PEG3: variants seen among roughly 807,000 people sequenced by gnomAD.
PEG3 encodes the protein paternally expressed 3.
PEG3 carries 23 observed loss-of-function variants against 35.5 expected under a neutral mutation model. That is an observed-to-expected ratio of 0.65 (90% CI 0.47 to 0.92). The LOEUF is 0.92. PEG3 is among the 40% of genes least tolerant of loss of function. PEG3 has a pLI of 0.00. For missense variants in PEG3, 1,960 were observed against 1,985.3 expected (o/e 0.99, Z 0.24); for synonymous variants, 707 against 697.0 (o/e 1.01, Z -0.23).
intron 2 of PEG3, among the ~76,000 whole-genome samples, chr19:56,835,665 A>T (rs1230105872): frequency 2.6e-5 from 4 of 152,208 alleles, no homozygotes; most frequent in Non-Finnish European, 5.9e-5. Context: ...CCTTTCCCCC[A>T]TTGGGGCTAT....
At chr19:56,839,059 C>G (rs1438453333) in intron 1 of PEG3, among the ~76,000 whole-genome samples, 1 of 151,478 alleles carries the variant, frequency 6.6e-6, no homozygotes, top group Non-Finnish European at 1.5e-5. Flanking sequence ...GGCGCCCAGG[C>G]GGGCGGGCCT....
At position 56,824,552 on chromosome 19, in the gene PEG3, A is replaced by G. The variant is rs1412989132; in HGVS notation, c.104T>C (p.Ile35Thr). 4 of 1,614,158 alleles carry G rather than the reference A, an allele frequency of 2.5e-6. No individual in the cohort carries two copies. Among genetic ancestry groups the G allele is most frequent in the Non-Finnish European group, 2.5e-6 (3 of 1,180,030 alleles). Residue 35 changes from isoleucine (I) to threonine (T), a missense_variant, in exon 4 of 10, where the codon ATA becomes ACA. Transcript: ENST00000326441. ...SDLTKEPDVIIGEGPTDSEFF... is the reference protein window; with the variant it reads ...SDLTKEPDVITGEGPTDSEFF... ...CTCAGAGTCAGTTGGACCTTCTCCT[A>G]TGATGACATCCGGCTCCTTAGTCAA...
intron 2 of PEG3, chr19:56,833,098 A>G: frequency 2.0e-6 from 1 of 503,050 alleles, no homozygotes; most frequent in East Asian, 5.6e-5. Flanking sequence ...GAAAGAACAC[A>G]TCATGCACTA....
At chr19:56,822,974 G>T in intron 5 of PEG3, 138 bp from the exon 6 acceptor site, 1 of 1,171,874 alleles carries the variant, frequency 8.5e-7, no homozygotes, top group Non-Finnish European at 1.2e-6. Context: ...AGAGCTCCAG[G>T]TTCCCAGGCT....
Position 56,816,539 on chromosome 19 carries a change from TCTC to T in PEG3, c.1900_1902del (p.Glu634del), listed in dbSNP as rs1421658651. The stretch of plus-strand genomic sequence containing the variant: ...TTCAGGGATGAGCTATGAAGGAAAG[TCTC>T]CCCACACACCTTACATTCGTACATT... On this transcript the variant is annotated inframe_deletion, in exon 10 of 10. Transcript: ENST00000326441. 5.6e-6 allele frequency: 9 copies of T among 1,613,742 alleles called. No homozygotes were observed. Among genetic ancestry groups the T allele is most frequent in the Non-Finnish European group, 7.6e-6 (9 of 1,179,872 alleles).
In PEG3 at chr19:56,812,934, T is replaced by A; in HGVS notation, c.*741A>T. The A allele has an allele frequency of 1.0e-6, 1 of 985,784 alleles. No homozygotes were observed. Among genetic ancestry groups the A allele is most frequent in the Non-Finnish European group, 1.2e-6 (1 of 829,892 alleles). 61.1% of individuals were successfully genotyped at this position (985,784 alleles called of 1,614,324 possible). A position where few individuals can be genotyped will look rare whatever the true frequency, so the allele number is the denominator to read the frequency against. Reference sequence around the variant, plus strand: ...GGTCACAAAAAGCCAATCCGTATATTGTAAAGCCTTACACAGTATTAGGTT... The same window carrying A: ...GGTCACAAAAAGCCAATCCGTATATAGTAAAGCCTTACACAGTATTAGGTT... On this transcript the variant is annotated 3_prime_UTR_variant, in exon 10 of 10. Transcript: ENST00000326441.
chr19:56,835,611 C>T (rs749340737), intron 2 of PEG3, among the ~76,000 whole-genome samples: 1 of 152,232 alleles, frequency 6.6e-6, no homozygotes, highest in Non-Finnish European at 1.5e-5. Flanking sequence ...ATGTTTTCCA[C>T]AGCTTTAATT....
At chr19:56,834,156 C>T (rs74595585) in intron 2 of PEG3, among the ~76,000 whole-genome samples, 3 of 152,098 alleles carry the variant, frequency 2.0e-5, no homozygotes, top group Non-Finnish European at 4.4e-5. Flanking sequence ...ATTGGCTCAT[C>T]TGATTTTTTT....
At chr19:56,824,917 T>C in intron 3 of PEG3, 176 bp from the exon 4 acceptor site, 1 of 413,664 alleles carries the variant, frequency 2.4e-6, no homozygotes, top group Non-Finnish European at 4.4e-6. Context: ...ACCTCTGGGC[T>C]TCACAGAGAC....
chr19:56,822,543 T>G (rs2060601122), intron 6 of PEG3: 1 of 538,680 alleles, frequency 1.9e-6, no homozygotes, highest in Non-Finnish European at 3.2e-6. Flanking sequence ...AGCAAATAGT[T>G]TAGGTGGCAA....
rs1482965198 is a variant in PEG3 at position 56,814,904 on chromosome 19, C to T, written c.3538G>A (p.Glu1180Lys). 2 of 1,614,108 alleles carry T rather than the reference C, an allele frequency of 1.2e-6. No homozygotes were observed. The highest frequency in any genetic ancestry group is 1.1e-5 in the South Asian group (1 of 91,076). The change falls in exon 10 of 10, where the codon GAG becomes AAG. Residue 1180 changes from glutamate to lysine, a missense_variant. Physicochemically the swap from Glu to Lys is moderately conservative, Grantham distance 56 (BLOSUM62 1). Transcript: ENST00000326441. The surrounding 1 kb of genome is among the most constrained non-coding windows in gnomAD (Gnocchi z 5.8). ...ESFIHSSFLF[E>K]HQRIHEQDQL... ...TCTTGTTCATGGATTCTCTGATGCT[C>T]GAAAAGGAATGAGCTATGAATAAAA...
At position 56,814,521 on chromosome 19, in the gene PEG3, C is replaced by T. The variant is rs1204745915; in HGVS notation, c.3921G>A (p.Glu1307=). The T allele has an allele frequency of 1.2e-6, 2 of 1,613,926 alleles. No individual in the cohort carries two copies. Among genetic ancestry groups the T allele is most frequent in the East Asian group, 2.2e-5 (1 of 44,874 alleles). ...TATAGGAGGACCCGTACTCATAGGG[C>T]TCATTCTTATGAACAGTTACGTGAT... ...LADHVTVHKN[E]PYEYGSSYTH... is the part of the protein sequence containing the mutation. The change falls in exon 10 of 10, where the codon GAG becomes GAA. Residue 1307 remains glutamate, a synonymous_variant. Coordinates refer to ENST00000326441, the MANE Select transcript of PEG3 (RefSeq NM_006210.3). This position sits in a 1 kb window ranked among gnomAD's most constrained non-coding sequence, Gnocchi z 5.8.
rs1489816697 is a variant in PEG3 at position 56,815,853 on chromosome 19, A to G, written c.2589T>C (p.Ile863=). 5.0e-6 allele frequency: 8 copies of G among 1,613,610 alleles called. No individual in the cohort carries two copies. Among genetic ancestry groups the G allele is most frequent in the Non-Finnish European group, 6.8e-6 (8 of 1,179,782 alleles). The stretch of plus-strand genomic sequence containing the variant: ...GCTTATCATTAAGGTCTGAGATATA[A>G]ATGGAGGATTCTCCCTTCTCATTAG... ...VESNEKGESS[I]YISDLNDKRQ... The change falls in exon 10 of 10, where the codon ATT becomes ATC. Residue 863 remains isoleucine, a synonymous_variant. Transcript: ENST00000326441.
chr19:56,817,222 T>G lies in PEG3; in HGVS notation c.1220A>C (p.Gln407Pro), dbSNP rs2060060892. Residue 407 changes from glutamine to proline, a missense_variant, in exon 10 of 10, where the codon CAA becomes CCA. Transcript: ENST00000326441. ...GGGCTTCTTCCTGGGACAGCCTTTT[T>G]GATCGTGAATCGAGCCCTTCCCATC... ...DTDGKGSIHD[Q>P]KGCPRKKPFE... 1 of 1,614,078 alleles carries G rather than the reference T, an allele frequency of 6.2e-7. No homozygotes were observed. Among genetic ancestry groups the G allele is most frequent in the Admixed American group, 1.7e-5 (1 of 60,008 alleles).
At chr19:56,832,004 CAT>C (rs1000784500) in intron 2 of PEG3, among the ~76,000 whole-genome samples, 23 of 152,114 alleles carry the variant, frequency 1.5e-4, no homozygotes, top group African/African-American at 5.1e-4. Context: ...AATAATCAAA[CAT>C]ATGGCAGTAC....
chr19:56,838,766 G>A lies in PEG3; in HGVS notation c.-250+1816C>T, dbSNP rs139839451. 2.9e-3 allele frequency among the ~76,000 whole-genome samples: 445 copies of A among 152,310 alleles called. 5 individuals are homozygous for A. Among genetic ancestry groups the A allele is most frequent in the Non-Finnish European group, 5.4e-3 (367 of 68,026 alleles). ...AGTCCCACTGGCAAAACAGCCTGGC[G>A]ACCAGCACACACAGCCCAAGGAGCG... On this transcript the variant is annotated intron_variant, in intron 1 of 9. Coordinates refer to ENST00000326441, the MANE Select transcript of PEG3 (RefSeq NM_006210.3).
intron 3 of PEG3, among the ~76,000 whole-genome samples, chr19:56,826,172 G>A (rs2061009000): frequency 6.6e-6 from 1 of 152,196 alleles, no homozygotes; most frequent in African/African-American, 2.4e-5. Flanking sequence ...ACAGACCAGA[G>A]AGTCCAGGCT....
chr19:56,814,171 C>T lies in PEG3; in HGVS notation c.4271G>A (p.Gly1424Glu), dbSNP rs941959021. The T allele has an allele frequency of 6.2e-7, 1 of 1,613,542 alleles. No homozygotes were observed. The highest frequency in any genetic ancestry group is 8.5e-7 in the Non-Finnish European group (1 of 1,179,884). ...GGGCTCTGCAGCCTCTCCATCTGGC[C>T]CTTCAGCCTCTCCGTTTGGCTCAGC... ...EAAEPNGEAEGPDGEAAEPIG... is the reference protein window; with the variant it reads ...EAAEPNGEAEEPDGEAAEPIG... Residue 1424 changes from glycine (G) to glutamate (E), a missense_variant, in exon 10 of 10, where the codon GGG (glycine) becomes GAG (glutamate). Gly to Glu is a moderately conservative substitution (Grantham distance 98). Coordinates refer to ENST00000326441, the MANE Select transcript of PEG3 (RefSeq NM_006210.3). The surrounding 1 kb of genome is among the most constrained non-coding windows in gnomAD (Gnocchi z 5.8).
In PEG3 at chr19:56,810,861, C is replaced by T. The variant is rs1600844164; in HGVS notation, c.*2814G>A. 1.0e-6 allele frequency: 1 copy of T among 966,442 alleles called. No individual in the cohort carries two copies. The highest frequency in any genetic ancestry group is 1.8e-5 in the African/African-American group (1 of 56,842). The allele number at this position is 966,442 out of a possible 1,614,324, so 59.9% of individuals were successfully genotyped here. On this transcript the variant is annotated 3_prime_UTR_variant, in exon 10 of 10. Transcript: ENST00000326441. Reference sequence around the variant, plus strand: ...AATTTACTTTATTTTCTAATTTTTCCTCTGGGTATGTATTATGCACACCAA... The same window carrying T: ...AATTTACTTTATTTTCTAATTTTTCTTCTGGGTATGTATTATGCACACCAA...
Sources: gnomAD v4.1 joint callset for allele counts (sites outside exome capture counted in the v4.1 genomes callset) on GRCh38, gnomAD v4.1.1 for gene constraint, Gnocchi (gnomAD v3.1) non-coding constraint, MANE v1.5 for transcripts, NCBI Gene and HGNC (gene_info 2026-07-23, HGNC 2026-07-21) for gene names.